TRAPPC9: variants seen among roughly 807,000 people sequenced by gnomAD.
TRAPPC9 encodes trafficking protein particle complex subunit 9, also known as IKK2 binding protein.
A neutral mutation model predicts 124.0 loss-of-function variants in TRAPPC9; 83 were observed. The observed-to-expected ratio is 0.67, with a 90% CI of 0.56 to 0.80. The LOEUF is 0.80. TRAPPC9 is among the 30% of genes least tolerant of loss of function. The probability of loss-of-function intolerance (pLI) is 0.00; values close to 1 mark genes in which losing one functional copy is unlikely to be tolerated. For missense variants in TRAPPC9, 1,302 were observed against 1,508.3 expected (o/e 0.86, Z 2.27); for synonymous variants, 638 against 617.5 (o/e 1.03, Z -0.49).
At chr8:140,082,638 T>G (rs1369215428) in intron 17 of TRAPPC9, among the ~76,000 whole-genome samples, 1 of 152,252 alleles carries the variant, frequency 6.6e-6, no homozygotes, top group Non-Finnish European at 1.5e-5. Context: ...AAACTGTTAT[T>G]AACTTCATAT....
chr8:139,935,866 G>A (rs563711987), intron 19 of TRAPPC9, among the ~76,000 whole-genome samples: 2 of 152,228 alleles, frequency 1.3e-5, no homozygotes, highest in Non-Finnish European at 1.5e-5. Flanking sequence ...CTCATTCACC[G>A]ATGGGGAAAC....
intron 16 of TRAPPC9, among the ~76,000 whole-genome samples, chr8:140,227,164 T>C (rs906224261): frequency 7.2e-5 from 11 of 151,748 alleles, no homozygotes; most frequent in African/African-American, 2.7e-4. Context: ...TGCAGAGGGA[T>C]GGCGAGAGAT....
At chr8:139,737,597 C>A (rs1165390150) in intron 21 of TRAPPC9, among the ~76,000 whole-genome samples, 6 of 151,934 alleles carry the variant, frequency 3.9e-5, no homozygotes, top group Admixed American at 3.9e-4. Context: ...ACCAAATGAG[C>A]CGCCTCTTGG....
chr8:140,022,279 A>C (rs77463665), intron 18 of TRAPPC9, among the ~76,000 whole-genome samples: 5,453 of 152,298 alleles, frequency 0.036, 131 homozygotes, highest in Non-Finnish European at 0.058. Context: ...CTTGGGGACC[A>C]CTTAGACTTA....
intron 1 of TRAPPC9, among the ~76,000 whole-genome samples, chr8:140,454,911 G>T (rs1487973837): frequency 1.3e-5 from 2 of 149,202 alleles, no homozygotes; most frequent in Non-Finnish European, 3.0e-5. Context: ...CTGCACTCCA[G>T]CCTGGGTGAC....
intron 16 of TRAPPC9, among the ~76,000 whole-genome samples, chr8:140,227,023 A>T (rs1046395438): frequency 6.6e-6 from 1 of 152,174 alleles, no homozygotes; most frequent in Non-Finnish European, 1.5e-5. Context: ...CTCAAATCCA[A>T]CTAAAGATAC....
At chr8:140,091,922 T>C (rs1225656072) in intron 17 of TRAPPC9, among the ~76,000 whole-genome samples, 1 of 151,900 alleles carries the variant, frequency 6.6e-6, no homozygotes, top group Non-Finnish European at 1.5e-5. Context: ...CCATTCCACC[T>C]CTGCAGACCC....
intron 17 of TRAPPC9, among the ~76,000 whole-genome samples, chr8:140,143,363 A>G (rs1037611634): frequency 6.6e-6 from 1 of 151,416 alleles, no homozygotes; most frequent in East Asian, 1.9e-4. Flanking sequence ...AGTGGGACTC[A>G]CTCTTATAGT....
At chr8:139,775,429 A>C (rs1282020447) in intron 21 of TRAPPC9, among the ~76,000 whole-genome samples, 1 of 152,226 alleles carries the variant, frequency 6.6e-6, no homozygotes, top group Non-Finnish European at 1.5e-5. Context: ...CTTTTCCCAG[A>C]AATGCTTAAG....
intron 21 of TRAPPC9, among the ~76,000 whole-genome samples, chr8:139,838,077 C>G (rs2130872975): frequency 6.6e-6 from 1 of 152,304 alleles, no homozygotes; most frequent in African/African-American, 2.4e-5. Context: ...GGCCTCCACA[C>G]CAGGACTCTT....
intron 18 of TRAPPC9, among the ~76,000 whole-genome samples, chr8:139,997,382 C>G (rs1169144801): frequency 6.6e-6 from 1 of 150,790 alleles, no homozygotes; most frequent in Non-Finnish European, 1.5e-5. Flanking sequence ...GCATCCTACA[C>G]AGGGAGACAA....
chr8:140,433,485 G>C (rs1294597234), intron 4 of TRAPPC9, among the ~76,000 whole-genome samples: 3 of 152,106 alleles, frequency 2.0e-5, no homozygotes, highest in Non-Finnish European at 2.9e-5. Context: ...AGCTACTCGG[G>C]AGGCTGAGGC....
Position 139,916,145 on chromosome 8 carries a change from C to A in TRAPPC9, c.2811-5845G>T, listed in dbSNP as rs183025057. 3.7e-3 allele frequency among the ~76,000 whole-genome samples: 568 copies of A among 152,340 alleles called. 2 individuals are homozygous for A. Among genetic ancestry groups the A allele is most frequent in the Non-Finnish European group, 6.3e-3 (431 of 68,036 alleles). On this transcript the variant is annotated intron_variant, in intron 19 of 22. Transcript: ENST00000438773. ...CTCTTCTGGGAGGCTTGTCCCACTA[C>A]ATAAACCCCTCAAGACACTGTCCTC... is the stretch of plus-strand genomic sequence containing the variant.
At chr8:140,117,610 C>T (rs1285173294) in intron 17 of TRAPPC9, among the ~76,000 whole-genome samples, 1 of 152,200 alleles carries the variant, frequency 6.6e-6, no homozygotes, top group Non-Finnish European at 1.5e-5. Flanking sequence ...TCTTAAAGGT[C>T]CCATCTCTTA....
intron 11 of TRAPPC9, among the ~76,000 whole-genome samples, chr8:140,298,686 G>A (rs185472344): frequency 6.6e-6 from 1 of 152,194 alleles, no homozygotes; most frequent in East Asian, 1.9e-4. Context: ...TACACGTAAT[G>A]CTCTTATTGT....
chr8:140,100,251 G>A (rs967801855), intron 17 of TRAPPC9: 3 of 151,252 alleles, frequency 2.0e-5, no homozygotes, highest in Admixed American at 6.6e-5. Flanking sequence ...CCGCAGGGGA[G>A]ATACGCAGCT....
intron 7 of TRAPPC9, among the ~76,000 whole-genome samples, chr8:140,382,467 A>G (rs2068636256): frequency 6.6e-6 from 1 of 152,238 alleles, no homozygotes; most frequent in Admixed American, 6.5e-5. Context: ...CAATGGTCTT[A>G]GCAAACGGCA....
intron 5 of TRAPPC9, among the ~76,000 whole-genome samples, chr8:140,421,394 G>A (rs1056966914): frequency 3.3e-5 from 5 of 152,104 alleles, no homozygotes; most frequent in African/African-American, 1.2e-4. Flanking sequence ...TCTAGTTAAC[G>A]AATTTACTCT....
chr8:140,374,354 G>T (rs538725057), intron 7 of TRAPPC9, among the ~76,000 whole-genome samples: 25 of 152,342 alleles, frequency 1.6e-4, no homozygotes, highest in African/African-American at 5.8e-4. Context: ...CAGATCACCT[G>T]AGGTTGGGAG....
Sources: gnomAD v4.1 joint callset for allele counts (sites outside exome capture counted in the v4.1 genomes callset) on GRCh38, gnomAD v4.1.1 for gene constraint, MANE v1.5 for transcripts, NCBI Gene and HGNC (gene_info 2026-07-23, HGNC 2026-07-21) for gene names.